The following NATD1 variants were observed in gnomAD, a reference collection of about 807,000 sequenced individuals.
NATD1 encodes protein NATD1.
In NATD1, 9 loss-of-function variants were observed where a neutral mutation model predicts 12.0. The observed-to-expected ratio is 0.75, with a 90% confidence interval of 0.45 to 1.30. The LOEUF (loss-of-function observed/expected upper bound fraction) is 1.30, where lower values mean the gene tolerates loss of function less well. Among genes scored for constraint, NATD1 ranks in the 50% most tolerant of loss-of-function variants. The probability of loss-of-function intolerance (pLI) is 0.00; values close to 1 mark genes in which losing one functional copy is unlikely to be tolerated. For synonymous variants in NATD1, 71 were observed against 65.9 expected, an observed-to-expected ratio of 1.08 and a Z score of -0.37; for missense variants, 148 against 148.5, an observed-to-expected ratio of 1.00 and a Z score of 0.02.
chr17:21,245,345 G>T (rs975678439), intron 1 of NATD1, among the ~76,000 whole-genome samples: 1 of 152,204 alleles, frequency 6.6e-6, no homozygotes, highest in South Asian at 2.1e-4. Context: ...CAAAGGGACA[G>T]ATGTGATTCA....
intron 1 of NATD1, among the ~76,000 whole-genome samples, chr17:21,246,540 A>T (rs1239177950): frequency 6.6e-6 from 1 of 150,858 alleles, no homozygotes; most frequent in Non-Finnish European, 1.5e-5. Context: ...AAAAAAAAAA[A>T]GCTGAGCATG....
chr17:21,239,768 G>C lies in NATD1; in HGVS notation c.*3545C>G, dbSNP rs977482387. ...CGCACCTCTGCACTCCAGCCTGGGC[G>C]ACAGAGCAAGACTCCCATCTCAAAA... On this transcript the variant is annotated 3_prime_UTR_variant, in exon 3 of 3. Coordinates refer to ENST00000611551, the MANE Select transcript of NATD1 (RefSeq NM_152914.3). 1 of 152,180 alleles carries C rather than the reference G, an allele frequency of 6.6e-6. No homozygotes were observed. Among genetic ancestry groups the C allele is most frequent in the East Asian group, 1.9e-4 (1 of 5,194 alleles). 9.4% of individuals were successfully genotyped at this position (152,180 alleles called of 1,614,324 possible).
chr17:21,247,752 A>G (rs1567645756), intron 1 of NATD1, among the ~76,000 whole-genome samples: 1 of 152,184 alleles, frequency 6.6e-6, no homozygotes, highest in Non-Finnish European at 1.5e-5. Context: ...CTTAGAGCCT[A>G]GCCCAGATAA....
In NATD1 at chr17:21,243,076, C is replaced by T. The variant is rs913715987; in HGVS notation, c.*237G>A. 1.9e-5 allele frequency: 9 copies of T among 469,284 alleles called. No homozygotes were observed. In the East Asian group the frequency reaches 3.1e-4, roughly 16 times the overall value. The allele number at this position is 469,284 out of a possible 1,614,324, so 29.1% of individuals were successfully genotyped here. A position where few individuals can be genotyped will look rare whatever the true frequency, so the allele number is the denominator to read the frequency against. ...ACAGGCCTCCCACGAAGCCGCTGGT[C>T]TCTGCAGAGTGAGAGGTGCCGGGAC... On this transcript the variant is annotated 3_prime_UTR_variant, in exon 3 of 3. Transcript: ENST00000611551.
At chr17:21,247,829 C>CACAGTGCCCAGAAGTGA (rs370501573) in intron 1 of NATD1, among the ~76,000 whole-genome samples, 82 of 152,336 alleles carry the variant, frequency 5.4e-4, no homozygotes, top group African/African-American at 1.8e-3. Context: ...CAGCAGGATC[C>CACAGTGCCCAGAAGTGA]ACAGTGCCCA....
chr17:21,252,258 TTG>T (rs1051507817), intron 1 of NATD1, among the ~76,000 whole-genome samples: 3 of 143,078 alleles, frequency 2.1e-5, no homozygotes, highest in African/African-American at 8.1e-5. Context: ...TGAGCCGAGA[TTG>T]TGTCACAGGA....
intron 2 of NATD1, 107 bp downstream of exon 2, chr17:21,243,999 G>T: frequency 1.0e-6 from 1 of 1,001,222 alleles, no homozygotes; most frequent in Non-Finnish European, 1.5e-6. Flanking sequence ...AGGACCCAGG[G>T]CCAAGAAGCA....
intron 1 of NATD1, among the ~76,000 whole-genome samples, chr17:21,247,921 T>C (rs1309504353): frequency 1.3e-5 from 2 of 152,114 alleles, no homozygotes; most frequent in Admixed American, 1.3e-4. Context: ...GGGAGGCCTC[T>C]GGGCAGGTGA....
chr17:21,243,368 T>C lies in NATD1; in HGVS notation c.287A>G (p.Gln96Arg), dbSNP rs1201910586. 6.2e-7 allele frequency: 1 copy of C among 1,613,548 alleles called. No individual in the cohort carries two copies. The highest frequency in any genetic ancestry group is 2.2e-5 in the East Asian group (1 of 44,868). The stretch of plus-strand genomic sequence containing the variant: ...CAGGGGGTTCTCCTTGACGTACTTC[T>C]GGATGTACCAGCAGGTGAGATGGGC... ...LKAHLTCWYI[Q>R]KYVKENPLPQ... Residue 96 changes from glutamine to arginine, a missense_variant, in exon 3 of 3, where the codon CAG becomes CGG. Transcript: ENST00000611551.
At chr17:21,246,293 C>CACCTGAGTTCAGGAGTTCGAG (rs2051349223) in intron 1 of NATD1, among the ~76,000 whole-genome samples, 1 of 152,158 alleles carries the variant, frequency 6.6e-6, no homozygotes, top group African/African-American at 2.4e-5. Context: ...GTGGGTGGAT[C>CACCTGAGTTCAGGAGTTCGAG]ACCTGAGTTC....
intron 1 of NATD1, among the ~76,000 whole-genome samples, chr17:21,252,579 C>G (rs1377290286): frequency 6.6e-6 from 1 of 152,092 alleles, no homozygotes; most frequent in Non-Finnish European, 1.5e-5. Flanking sequence ...GATAGCCATC[C>G]CCCCGCCCCT....
In NATD1 at chr17:21,244,297, G is replaced by T; in HGVS notation, c.107-73C>A. ...GGACTCAGGCACCAAGACGGGTGGA[G>T]GGACAGGCATTTGGAGTCATTCAGC... On this transcript the variant is annotated intron_variant, in intron 1 of 2. Coordinates refer to ENST00000611551, the MANE Select transcript of NATD1 (RefSeq NM_152914.3). This position sits in a 1 kb window ranked among gnomAD's most constrained non-coding sequence, Gnocchi z 5.2. 2 of 1,346,586 alleles carry T rather than the reference G, an allele frequency of 1.5e-6. No individual in the cohort carries two copies. The highest frequency in any genetic ancestry group is 2.5e-5 in the East Asian group (1 of 40,336). The allele number at this position is 1,346,586 out of a possible 1,614,324, so 83.4% of individuals were successfully genotyped here.
At position 21,240,325 on chromosome 17, in the gene NATD1, C is replaced by G. The variant is rs1186884792; in HGVS notation, c.*2988G>C. On this transcript the variant is annotated 3_prime_UTR_variant, in exon 3 of 3. Coordinates refer to ENST00000611551, the MANE Select transcript of NATD1 (RefSeq NM_152914.3). ...CTCGCTCTCCACGCTGAAGGCTGTG[C>G]TGAGGGCTGAGCAAAAAGAGGCCAG... The G allele has an allele frequency of 6.6e-6, 1 of 152,314 alleles. No individual in the cohort carries two copies. Among genetic ancestry groups the G allele is most frequent in the Non-Finnish European group, 1.5e-5 (1 of 68,126 alleles). The allele number at this position is 152,314 out of a possible 1,614,324, so 9.4% of individuals were successfully genotyped here.
intron 1 of NATD1, among the ~76,000 whole-genome samples, chr17:21,247,661 C>T (rs1418346993): frequency 6.6e-6 from 1 of 152,182 alleles, no homozygotes; most frequent in Non-Finnish European, 1.5e-5. Flanking sequence ...CCTGCCCTGC[C>T]CTAAGCTTGC....
intron 1 of NATD1, among the ~76,000 whole-genome samples, chr17:21,248,092 T>C (rs1290758126): frequency 6.6e-6 from 1 of 152,004 alleles, no homozygotes; most frequent in Non-Finnish European, 1.5e-5. Flanking sequence ...CGAGTTTAAA[T>C]GGACACCCTA....
At position 21,246,229 on chromosome 17, in the gene NATD1, A is replaced by AGG. The variant is rs202237362; in HGVS notation, c.107-2007_107-2006dup. ...TAAGTAATATCATTATAAATAATAC[A>AGG]GGGGCCAGGCACGGTGACCCACTCC... On this transcript the variant is annotated intron_variant, in intron 1 of 2. Coordinates refer to ENST00000611551, the MANE Select transcript of NATD1 (RefSeq NM_152914.3). Among the ~76,000 whole-genome samples, 450 of 152,240 alleles carry AGG rather than the reference A, an allele frequency of 3.0e-3. 5 individuals carry two copies. In the East Asian group the frequency reaches 0.037, roughly 13 times the overall value.
In NATD1 at chr17:21,239,036, G is replaced by C. The variant is rs1027861540; in HGVS notation, c.*4277C>G. 2.0e-5 allele frequency: 3 copies of C among 152,230 alleles called. No homozygotes were observed. The highest frequency in any genetic ancestry group is 7.2e-5 in the African/African-American group (3 of 41,454). The allele number at this position is 152,230 out of a possible 1,614,324, so 9.4% of individuals were successfully genotyped here. A position where few individuals can be genotyped will look rare whatever the true frequency, so the allele number is the denominator to read the frequency against. On this transcript the variant is annotated 3_prime_UTR_variant, in exon 3 of 3. Coordinates refer to ENST00000611551, the MANE Select transcript of NATD1 (RefSeq NM_152914.3). The stretch of plus-strand genomic sequence containing the variant: ...GTTTAGGGCATTGGATCTGGAAGGA[G>C]TGGGACCCTGAGAATCGTAAAGGGA...
intron 1 of NATD1, 138 bp downstream of exon 1, chr17:21,253,021 G>C: frequency 3.4e-6 from 1 of 298,286 alleles, no homozygotes; most frequent in Non-Finnish European, 4.9e-6. Context: ...CGCGGCGCGC[G>C]CTTGCAACAG....
At chr17:21,247,777 G>C (rs977816809) in intron 1 of NATD1, among the ~76,000 whole-genome samples, 2 of 152,244 alleles carry the variant, frequency 1.3e-5, no homozygotes, top group Non-Finnish European at 2.9e-5. Context: ...CTATGGCCTG[G>C]ACCAGGCCTA....
Sources: gnomAD v4.1 joint callset for allele counts (sites outside exome capture counted in the v4.1 genomes callset) on GRCh38, gnomAD v4.1.1 for gene constraint, Gnocchi (gnomAD v3.1) non-coding constraint, MANE v1.5 for transcripts, NCBI Gene and HGNC (gene_info 2026-07-23, HGNC 2026-07-21) for gene names.